MBD5: variants seen among roughly 807,000 people sequenced by gnomAD.
The protein encoded by MBD5 is methyl-CpG-binding domain protein 5.
Under a neutral mutation model 117.3 loss-of-function variants are expected in MBD5, and 13 were observed. The observed-to-expected ratio is 0.11, with a 90% CI of 0.07 to 0.18. MBD5 has a LOEUF of 0.18. Among genes scored for constraint, MBD5 ranks in the 10% least tolerant of loss-of-function variants. The pLI is 1.00. For missense variants in MBD5, 1,879 were observed against 2,093.8 expected, an observed-to-expected ratio of 0.90 and a Z score of 2.00; for synonymous variants, 727 against 766.4, an observed-to-expected ratio of 0.95 and a Z score of 0.85.
intron 1 of MBD5, among the ~76,000 whole-genome samples, chr2:148,029,546 C>A (rs1693981761): frequency 6.6e-6 from 1 of 152,016 alleles, no homozygotes; most frequent in Non-Finnish European, 1.5e-5. Context: ...GGCTGCTGTT[C>A]TTATTGTTTT....
At chr2:148,506,924 T>C (rs1008233006) in intron 12 of MBD5, among the ~76,000 whole-genome samples, 6 of 152,234 alleles carry the variant, frequency 3.9e-5, no homozygotes, top group Non-Finnish European at 5.9e-5. Context: ...CTTCCTCTTT[T>C]AAGTTCATTC....
At position 148,252,953 on chromosome 2, in the gene MBD5, T is replaced by A. The variant is rs553088148; in HGVS notation, c.-680+19558T>A. The stretch of plus-strand genomic sequence containing the variant: ...GGCATTGTGGTGTCTGAAGAATGTG[T>A]CTTGAACTATTGTTATGGACGTTTT... On this transcript the variant is annotated intron_variant, in intron 3 of 13. Transcript: ENST00000642680. 9.4e-4 allele frequency among the ~76,000 whole-genome samples: 143 copies of A among 152,334 alleles called. 2 individuals are homozygous for A. The highest frequency in any genetic ancestry group is 3.3e-3 in the African/African-American group (138 of 41,596).
At chr2:148,067,029 A>G (rs2105044451) in intron 1 of MBD5, among the ~76,000 whole-genome samples, 1 of 152,298 alleles carries the variant, frequency 6.6e-6, no homozygotes, top group South Asian at 2.1e-4. Flanking sequence ...GCACATAGAG[A>G]TATTCAGTAA....
chr2:148,479,216 A>T lies in MBD5; in HGVS notation c.2519-3894A>T, dbSNP rs527487271. ...CCTCTCCCTCTGTGGGGTGATTTCAACTTCTCGAAATATCTGGAAGCCTTC... is the reference window on the plus strand; with the variant it reads ...CCTCTCCCTCTGTGGGGTGATTTCATCTTCTCGAAATATCTGGAAGCCTTC... On this transcript the variant is annotated intron_variant, in intron 8 of 13. Transcript: ENST00000642680. Among the ~76,000 whole-genome samples, 5 of 152,306 alleles carry T rather than the reference A, an allele frequency of 3.3e-5. No homozygotes were observed. In the East Asian group the frequency reaches 7.7e-4, roughly 24 times the overall value.
intron 1 of MBD5, among the ~76,000 whole-genome samples, chr2:148,061,930 G>A (rs950762441): frequency 3.4e-5 from 5 of 146,366 alleles, no homozygotes; most frequent in South Asian, 2.1e-4. Flanking sequence ...TTTTTTTTCC[G>A]TTTTTATTTC....
At chr2:148,211,335 T>C (rs868393865) in intron 2 of MBD5, among the ~76,000 whole-genome samples, 4 of 152,302 alleles carry the variant, frequency 2.6e-5, no homozygotes, top group East Asian at 1.9e-4. Flanking sequence ...AGTGATCCTA[T>C]TGTAGTAGCT....
intron 4 of MBD5, among the ~76,000 whole-genome samples, chr2:148,376,686 G>A (rs1010175554): frequency 5.7e-5 from 8 of 140,644 alleles, no homozygotes; most frequent in African/African-American, 2.1e-4. Flanking sequence ...CTCTAGAGGG[G>A]CAGAACTGAT....
intron 1 of MBD5, among the ~76,000 whole-genome samples, chr2:148,138,606 T>TG (rs1413043454): frequency 6.6e-6 from 1 of 152,172 alleles, no homozygotes. Flanking sequence ...GTGGGGAGAT[T>TG]GGGAAGCTAT....
intron 3 of MBD5, among the ~76,000 whole-genome samples, chr2:148,304,232 C>G (rs1426348298): frequency 6.6e-6 from 1 of 152,118 alleles, no homozygotes; most frequent in Non-Finnish European, 1.5e-5. Flanking sequence ...ATTTAATCCT[C>G]AAAGCAATCT....
chr2:148,447,183 G>GAAAGAAAGAAAGA (rs1323490579), intron 4 of MBD5, among the ~76,000 whole-genome samples: 17 of 7,374 alleles, frequency 2.3e-3, no homozygotes, highest in Non-Finnish European at 5.8e-3. Context: ...AAGAAGGAAA[G>GAAAGAAAGAAAGA]AAAGAAAGAA....
chr2:148,468,458 T>C lies in MBD5; in HGVS notation c.515T>C (p.Ile172Thr), dbSNP rs1481914876. 1 of 1,613,786 alleles carries C rather than the reference T, an allele frequency of 6.2e-7. No homozygotes were observed. Among genetic ancestry groups the C allele is most frequent in the Non-Finnish European group, 8.5e-7 (1 of 1,179,830 alleles). ...TGTAAGAATCCTTTCAAGTTAATGATTGGATCATCAAATGCCATGGGAAGG... is the reference window on the plus strand; with the variant it reads ...TGTAAGAATCCTTTCAAGTTAATGACTGGATCATCAAATGCCATGGGAAGG... Reference protein sequence around the residue: ...PECKNPFKLMIGSSNAMGRLY... With the variant: ...PECKNPFKLMTGSSNAMGRLY... Residue 172 changes from isoleucine to threonine, a missense_variant, in exon 8 of 14, where the codon ATT (isoleucine) becomes ACT (threonine). Coordinates refer to ENST00000642680, the MANE Select transcript of MBD5 (RefSeq NM_001378120.1).
chr2:148,352,109 C>A (rs1016127097), intron 4 of MBD5, among the ~76,000 whole-genome samples: 45 of 151,942 alleles, frequency 3.0e-4, no homozygotes, highest in African/African-American at 1.1e-3. Context: ...TCTCAGTTTT[C>A]TTGCTCTTCC....
chr2:148,294,328 C>G (rs1201790155), intron 3 of MBD5, among the ~76,000 whole-genome samples: 1 of 145,316 alleles, frequency 6.9e-6, no homozygotes, highest in African/African-American at 2.6e-5. Flanking sequence ...GGGTTCACGC[C>G]ATTCTCCTGC....
intron 4 of MBD5, among the ~76,000 whole-genome samples, chr2:148,438,441 A>G (rs1029846312): frequency 1.1e-4 from 17 of 152,216 alleles, no homozygotes; most frequent in African/African-American, 4.1e-4. Flanking sequence ...ATCTGTCATT[A>G]TTAAGTAGCC....
chr2:148,327,428 GT>G (rs1447796163), intron 3 of MBD5, among the ~76,000 whole-genome samples: 1 of 152,196 alleles, frequency 6.6e-6, no homozygotes, highest in African/African-American at 2.4e-5. Flanking sequence ...ATCCTTTAGA[GT>G]GTTTCCTGCA....
At chr2:148,436,128 A>G in intron 4 of MBD5, among the ~76,000 whole-genome samples, 1 of 152,298 alleles carries the variant, frequency 6.6e-6, no homozygotes, top group East Asian at 1.9e-4. Flanking sequence ...TGGATTTATG[A>G]TACCAAGCTG....
chr2:148,482,968 A>T (rs1681204832), intron 8 of MBD5, 142 bp from the exon 9 acceptor site: 1 of 890,238 alleles, frequency 1.1e-6, no homozygotes, highest in Admixed American at 2.4e-5. Flanking sequence ...AAGTGATCTG[A>T]TTACAATTAA....
chr2:148,468,301 G>T, intron 7 of MBD5, 40 bp from the exon 8 acceptor site: 3 of 1,545,694 alleles, frequency 1.9e-6, no homozygotes, highest in Non-Finnish European at 2.7e-6. Context: ...CAAAAGAGTT[G>T]AGACTGTTAA....
intron 1 of MBD5, among the ~76,000 whole-genome samples, chr2:148,065,538 C>A (rs1695165108): frequency 6.6e-6 from 1 of 152,120 alleles, no homozygotes. Context: ...CATTTGAAAT[C>A]ATCATTCAAC....
Sources: gnomAD v4.1 joint callset for allele counts (sites outside exome capture counted in the v4.1 genomes callset) on GRCh38, gnomAD v4.1.1 for gene constraint, MANE v1.5 for transcripts, NCBI Gene and HGNC (gene_info 2026-07-23, HGNC 2026-07-21) for gene names.